The following ZNF251 variants were observed in gnomAD, a reference collection of about 807,000 sequenced individuals.
ZNF251 encodes the protein zinc finger protein 251.
In ZNF251, 14 loss-of-function variants were observed where a neutral mutation model predicts 13.5. The ratio of observed to expected loss-of-function variants is 1.04; its 90% CI spans 0.69 to 1.63. The LOEUF (loss-of-function observed/expected upper bound fraction) is 1.63, where lower values mean the gene tolerates loss of function less well. ZNF251 is among the 40% of genes most tolerant of loss of function. The probability of loss-of-function intolerance (pLI) is 0.00; values close to 1 mark genes in which losing one functional copy is unlikely to be tolerated. For missense variants in ZNF251, 764 were observed against 834.9 expected, an observed-to-expected ratio of 0.92 and a Z score of 1.05; for synonymous variants, 287 against 295.2, an observed-to-expected ratio of 0.97 and a Z score of 0.28.
chr8:144,749,427 A>T (rs1026784298), intron 4 of ZNF251, among the ~76,000 whole-genome samples: 1 of 152,150 alleles, frequency 6.6e-6, no homozygotes, highest in African/African-American at 2.4e-5. Flanking sequence ...CAAAGCTTTC[A>T]ATAGACTGGG....
chr8:144,747,062 T>C (rs1195544251), intron 4 of ZNF251, among the ~76,000 whole-genome samples: 33 of 152,224 alleles, frequency 2.2e-4, no homozygotes, highest in Admixed American at 2.2e-3. Context: ...ACATTATGAT[T>C]TTAGATCTTT....
At position 144,723,290 on chromosome 8, in the gene ZNF251, A is replaced by G. The variant is rs764580795; in HGVS notation, c.370T>C (p.Leu124=). The part of the protein sequence containing the change: ...KTPEFVSRRL[L]RDNAQAAEFR... Reference sequence around the variant, plus strand: ...TCAGCGGCCTGTGCATTATCCCTTAAGAGTCTTCTTGATACAAATTCTGGG... The same window carrying G: ...TCAGCGGCCTGTGCATTATCCCTTAGGAGTCTTCTTGATACAAATTCTGGG... Residue 124 remains leucine (L), a synonymous_variant, in exon 5 of 5, where the codon TTA becomes CTA. Coordinates refer to ENST00000292562, the MANE Select transcript of ZNF251 (RefSeq NM_138367.2). The G allele has an allele frequency of 6.3e-6, 10 of 1,586,440 alleles. No individual in the cohort carries two copies. The highest frequency in any genetic ancestry group is 8.6e-6 in the Non-Finnish European group (10 of 1,167,768).
chr8:144,725,262 G>T (rs372082504), intron 4 of ZNF251, among the ~76,000 whole-genome samples: 57 of 152,328 alleles, frequency 3.7e-4, no homozygotes, highest in African/African-American at 1.3e-3. Context: ...CAATCCGTCC[G>T]CCTCGGCCTC....
At chr8:144,730,904 G>T (rs1449508623) in intron 4 of ZNF251, among the ~76,000 whole-genome samples, 1 of 152,234 alleles carries the variant, frequency 6.6e-6, no homozygotes, top group Non-Finnish European at 1.5e-5. Flanking sequence ...TCTTACTCAA[G>T]ATCTCATGCC....
chr8:144,726,441 G>A (rs1823519764), intron 4 of ZNF251, among the ~76,000 whole-genome samples: 1 of 151,736 alleles, frequency 6.6e-6, no homozygotes, highest in South Asian at 2.1e-4. Context: ...GGAGGCTGAG[G>A]CAGGAGAATT....
At chr8:144,729,626 G>A (rs1823633977) in intron 4 of ZNF251, among the ~76,000 whole-genome samples, 1 of 150,988 alleles carries the variant, frequency 6.6e-6, no homozygotes, top group Admixed American at 6.6e-5. Context: ...GTGAGCTACC[G>A]CACCCGGCCT....
At chr8:144,754,608 T>C in intron 2 of ZNF251, 88 bp downstream of exon 2, 1 of 1,503,400 alleles carries the variant, frequency 6.7e-7, no homozygotes, top group Non-Finnish European at 8.9e-7. Flanking sequence ...CCTTACCAGT[T>C]GCCGGGCTCA....
At chr8:144,725,179 A>G (rs2129929554) in intron 4 of ZNF251, among the ~76,000 whole-genome samples, 1 of 152,122 alleles carries the variant, frequency 6.6e-6, no homozygotes, top group East Asian at 1.9e-4. Context: ...ATGCTCGGCT[A>G]ATTTTTTGTA....
At chr8:144,733,561 G>A (rs1478596504) in intron 4 of ZNF251, among the ~76,000 whole-genome samples, 6 of 152,120 alleles carry the variant, frequency 3.9e-5, no homozygotes, top group Admixed American at 2.6e-4. Context: ...TTGACTGGAC[G>A]CAAAACCTGG....
chr8:144,724,397 C>G (rs1235072381), intron 4 of ZNF251, among the ~76,000 whole-genome samples: 2 of 151,906 alleles, frequency 1.3e-5, no homozygotes, highest in African/African-American at 4.8e-5. Context: ...ACGGTGCAAC[C>G]ACAGTTCACA....
At chr8:144,730,970 A>G (rs1025750182) in intron 4 of ZNF251, among the ~76,000 whole-genome samples, 1 of 152,170 alleles carries the variant, frequency 6.6e-6, no homozygotes. Flanking sequence ...AGACAGCAGC[A>G]CCTTGGGCAC....
intron 4 of ZNF251, among the ~76,000 whole-genome samples, chr8:144,726,039 A>G (rs1271247154): frequency 2.0e-5 from 3 of 151,802 alleles, no homozygotes; most frequent in Admixed American, 2.0e-4. Flanking sequence ...TCTATCAAAA[A>G]TACAAAAATT....
At chr8:144,745,043 C>T (rs962469827) in intron 4 of ZNF251, among the ~76,000 whole-genome samples, 2 of 151,956 alleles carry the variant, frequency 1.3e-5, no homozygotes, top group African/African-American at 2.4e-5. Flanking sequence ...GTGACCAGAA[C>T]GAGACTCCAT....
Position 144,754,773 on chromosome 8 carries a change from C to G in ZNF251, c.-45G>C. On this transcript the variant is annotated 5_prime_UTR_variant, in exon 2 of 5. Coordinates refer to ENST00000292562, the MANE Select transcript of ZNF251 (RefSeq NM_138367.2). ...GTGGTTTCCAAGAGAAGACAGGAGA[C>G]TGCCCTGGCCTGAAGTCTCCCCGAA... 6.2e-7 allele frequency: 1 copy of G among 1,602,388 alleles called. No homozygotes were observed. The highest frequency in any genetic ancestry group is 8.5e-7 in the Non-Finnish European group (1 of 1,174,612).
intron 4 of ZNF251, among the ~76,000 whole-genome samples, chr8:144,744,608 C>G (rs943980039): frequency 6.6e-6 from 1 of 152,150 alleles, no homozygotes; most frequent in African/African-American, 2.4e-5. Context: ...AGAATTAGTG[C>G]TCTTATAAGA....
At position 144,721,860 on chromosome 8, in the gene ZNF251, T is replaced by G. The variant is rs1823380164; in HGVS notation, c.1800A>C (p.Gly600=). 2 of 1,498,300 alleles carry G rather than the reference T, an allele frequency of 1.3e-6. No homozygotes were observed. The highest frequency in any genetic ancestry group is 1.8e-6 in the Non-Finnish European group (2 of 1,123,474). The allele number at this position is 1,498,300 out of a possible 1,614,324, so 92.8% of individuals were successfully genotyped here. ...GEKPYKCQEC[G]NAFSGKSTLI... is the part of the protein sequence containing the mutation. ...GGGTTGACTTTCCACTGAAGGCGTT[T>G]CCACATTCTTGACATTTATAGGGCT... The change falls in exon 5 of 5, where the codon GGA becomes GGC. Residue 600 remains glycine (G), a synonymous_variant. Coordinates refer to ENST00000292562, the MANE Select transcript of ZNF251 (RefSeq NM_138367.2).
chr8:144,722,915 T>C lies in ZNF251; in HGVS notation c.745A>G (p.Ser249Gly), dbSNP rs1273181023. The part of the protein sequence containing the change: ...CGRCGRAFTH[S>G]SNLVLHHHIH... ...TGATGGTGCAGAACAAGATTTGAGCTGTGAGTAAAGGCTCGCCCACACCGG... is the reference window on the plus strand; with the variant it reads ...TGATGGTGCAGAACAAGATTTGAGCCGTGAGTAAAGGCTCGCCCACACCGG... The change falls in exon 5 of 5, where the codon AGC becomes GGC. Residue 249 changes from serine (S) to glycine (G), a missense_variant. Transcript: ENST00000292562. This position sits in a 1 kb window ranked among gnomAD's most constrained non-coding sequence, Gnocchi z 4.8. The C allele has an allele frequency of 6.2e-7, 1 of 1,614,064 alleles. No homozygotes were observed. Among genetic ancestry groups the C allele is most frequent in the Admixed American group, 1.7e-5 (1 of 60,022 alleles).
chr8:144,754,929 G>T (rs915322021), intron 1 of ZNF251, 126 bp from the exon 2 acceptor site: 2 of 1,427,072 alleles, frequency 1.4e-6, no homozygotes, highest in African/African-American at 1.4e-5. Context: ...TGCAGCACGG[G>T]CCGACGTGCC....
chr8:144,730,019 G>A, intron 4 of ZNF251: 4 of 985,264 alleles, frequency 4.1e-6, no homozygotes, highest in Non-Finnish European at 3.6e-6. Flanking sequence ...AGGAGCGGGT[G>A]CCCTCACCCA....
Sources: gnomAD v4.1 joint callset for allele counts (sites outside exome capture counted in the v4.1 genomes callset) on GRCh38, gnomAD v4.1.1 for gene constraint, Gnocchi (gnomAD v3.1) non-coding constraint, MANE v1.5 for transcripts, NCBI Gene and HGNC (gene_info 2026-07-23, HGNC 2026-07-21) for gene names.